Variants in SCP2 observed in about 807,000 individuals in gnomAD.
SCP2 encodes the protein sterol carrier protein 2, also known as SCP-2/3-oxoacyl-CoA thiolase.
SCP2 carries 48 observed loss-of-function variants against 71.4 expected under a neutral mutation model. The observed-to-expected ratio is 0.67, with a 90% CI of 0.53 to 0.86. SCP2 has a LOEUF of 0.86. Among genes scored for constraint, SCP2 ranks in the 40% least tolerant of loss-of-function variants. The pLI is 0.00. For missense variants in SCP2, 560 were observed against 655.6 expected (o/e 0.85, Z 1.59); for synonymous variants, 220 against 218.1 (o/e 1.01, Z -0.08).
chr1:52,998,713 CA>C (rs1300901221), intron 11 of SCP2, among the ~76,000 whole-genome samples: 1 of 152,186 alleles, frequency 6.6e-6, no homozygotes, highest in Non-Finnish European at 1.5e-5. Context: ...ATTTAAAAAT[CA>C]GTGCAGATTG....
rs1156720917 is a variant in SCP2, at chr1:52,961,558, A to G, written c.452A>G (p.Tyr151Cys). The G allele has an allele frequency of 3.7e-6, 6 of 1,613,684 alleles. No individual in the cohort carries two copies. The Admixed American group carries it at 8.3e-5, about 22-fold the overall frequency. ...DKHVDLLINKYGLSAHPVAPQ... is the reference protein window; with the variant it reads ...DKHVDLLINKCGLSAHPVAPQ... ...CATGTTGACCTCCTGATCAATAAGT[A>G]TGGATTGTCTGCTCACCCAGTTGCT... Residue 151 changes from tyrosine (Y) to cysteine (C), a missense_variant, in exon 6 of 16, where the codon TAT becomes TGT. Tyr to Cys is a radical substitution (Grantham distance 194, BLOSUM62 -2). This residue lies in a region of SCP2 where 513 missense variants were observed against 573.1 expected (regional missense o/e 0.90). Transcript: ENST00000371514.
intron 11 of SCP2, among the ~76,000 whole-genome samples, chr1:53,003,672 A>G (rs1660460052): frequency 6.6e-6 from 1 of 152,126 alleles, no homozygotes; most frequent in African/African-American, 2.4e-5. Context: ...GGTGCACACC[A>G]TCATGCCCAG....
intron 11 of SCP2, chr1:52,994,688 C>T: frequency 1.6e-6 from 1 of 639,824 alleles, no homozygotes; most frequent in Non-Finnish European, 2.7e-6. Flanking sequence ...CCCATGCATA[C>T]CTTGAGGCGA....
At chr1:52,999,815 GTTTT>G (rs60893788) in intron 11 of SCP2, among the ~76,000 whole-genome samples, 1 of 109,416 alleles carries the variant, frequency 9.1e-6, no homozygotes, top group Admixed American at 1.1e-4. Context: ...CTGAACACTT[GTTTT>G]TTTTTTTTTT....
intron 14 of SCP2, among the ~76,000 whole-genome samples, chr1:53,044,847 G>A (rs1490309831): frequency 6.6e-6 from 1 of 152,260 alleles, no homozygotes; most frequent in East Asian, 1.9e-4. Flanking sequence ...ATTAGTCTTT[G>A]TTGTCCAGTC....
intron 1 of SCP2, 46 bp from the exon 2 acceptor site, chr1:52,941,747 AAAT>A (rs766153955): frequency 3.0e-6 from 4 of 1,350,738 alleles, no homozygotes; most frequent in Non-Finnish European, 4.2e-6. Context: ...AAAAAAAAAA[AAAT>A]GTAACTATAC....
chr1:52,950,431 A>AT (rs1232158661), intron 3 of SCP2, among the ~76,000 whole-genome samples: 1 of 151,946 alleles, frequency 6.6e-6, no homozygotes, highest in Non-Finnish European at 1.5e-5. Context: ...AGGTTTAAAG[A>AT]TTTTTTTCTG....
intron 4 of SCP2, among the ~76,000 whole-genome samples, chr1:52,951,773 G>A (rs1179820025): frequency 3.3e-5 from 5 of 151,222 alleles, no homozygotes; most frequent in South Asian, 4.2e-4. Flanking sequence ...CTGGAGTGCC[G>A]TTGTGCCATC....
rs1557576782 is a variant in SCP2 at position 52,974,832 on chromosome 1, C to T, written c.587C>T (p.Pro196Leu). 1.7e-5 allele frequency: 24 copies of T among 1,406,974 alleles called. No homozygotes were observed. Among genetic ancestry groups the T allele is most frequent in the Middle Eastern group, 1.8e-4 (1 of 5,700 alleles). The allele number at this position is 1,406,974 out of a possible 1,614,324, so 87.2% of individuals were successfully genotyped here. Residue 196 changes from proline to leucine, a missense_variant and splice_region_variant, in exon 7 of 16, where the codon CCG becomes CTG. By Grantham distance (98) the Pro-to-Leu change is moderately conservative. This residue lies in a region of SCP2 where 513 missense variants were observed against 573.1 expected (regional missense o/e 0.90). Transcript: ENST00000371514. ...AATCATAAACATTCAGTTAATAACC[C>T]GTAAGTATTTCAGAGACATGAAATA... The part of the protein sequence containing the change: ...WKNHKHSVNN[P>L]YSQFQDEYSL...
At chr1:53,037,503 A>G (rs1231921368) in intron 13 of SCP2, among the ~76,000 whole-genome samples, 1 of 149,808 alleles carries the variant, frequency 6.7e-6, no homozygotes, top group Non-Finnish European at 1.5e-5. Flanking sequence ...CAGGAAGGAA[A>G]GGCTGGGAAT....
chr1:53,026,346 T>C (rs1662129590), intron 12 of SCP2, among the ~76,000 whole-genome samples: 1 of 152,230 alleles, frequency 6.6e-6, no homozygotes, highest in South Asian at 2.1e-4. Flanking sequence ...CTACTCCTGT[T>C]TCAAAGTACT....
intron 14 of SCP2, among the ~76,000 whole-genome samples, chr1:53,045,119 A>C (rs921454224): frequency 6.6e-6 from 1 of 152,136 alleles, no homozygotes; most frequent in African/African-American, 2.4e-5. Context: ...GTAATTCCAG[A>C]GTGTACCACG....
chr1:53,048,165 G>A lies in SCP2; in HGVS notation c.1548+228G>A. 2.1e-6 allele frequency: 1 copy of A among 484,662 alleles called. No individual in the cohort carries two copies. The highest frequency in any genetic ancestry group is 3.9e-6 in the Non-Finnish European group (1 of 257,178). 30.0% of individuals were successfully genotyped at this position (484,662 alleles called of 1,614,324 possible). The stretch of plus-strand genomic sequence containing the variant: ...TCCCACGCTCAGGGCATCCACAGAT[G>A]TGTAAAAGAGTCAGTGCAGCCAGAG... On this transcript the variant is annotated intron_variant, in intron 15 of 15. Transcript: ENST00000371514.
chr1:53,050,242 G>T (rs780511094), intron 15 of SCP2: 10 of 246,322 alleles, frequency 4.1e-5, no homozygotes, highest in Non-Finnish European at 7.1e-5. Context: ...TGTTTTTTGT[G>T]TATGCTTTTT....
intron 12 of SCP2, among the ~76,000 whole-genome samples, chr1:53,020,392 T>C (rs969517163): frequency 4.6e-5 from 7 of 152,212 alleles, no homozygotes; most frequent in African/African-American, 1.4e-4. Flanking sequence ...TCCCAGTGCA[T>C]TTTCCTTTCT....
chr1:53,021,645 CTTTT>C (rs753678066), intron 12 of SCP2, among the ~76,000 whole-genome samples: 2 of 95,660 alleles, frequency 2.1e-5, no homozygotes, highest in African/African-American at 9.1e-5. Context: ...CTTTTTCTTT[CTTTT>C]TTTTTTTTTT....
At chr1:52,995,045 T>C in intron 11 of SCP2, 3 of 503,916 alleles carry the variant, frequency 6.0e-6, no homozygotes, top group South Asian at 1.6e-5. Flanking sequence ...GGCCACTACA[T>C]AGAGGGGGCC....
At chr1:52,967,654 A>T (rs1557570004) in intron 6 of SCP2, among the ~76,000 whole-genome samples, 1 of 152,148 alleles carries the variant, frequency 6.6e-6, no homozygotes, top group South Asian at 2.1e-4. Flanking sequence ...AGAGAAAGAC[A>T]AAAAGATCTG....
intron 4 of SCP2, among the ~76,000 whole-genome samples, chr1:52,951,464 G>C (rs753438410): frequency 6.7e-6 from 1 of 148,992 alleles, no homozygotes; most frequent in African/African-American, 2.5e-5. Context: ...TTAGCCAGGC[G>C]TGGTGGTCCC....
Sources: gnomAD v4.1 joint callset for allele counts (sites outside exome capture counted in the v4.1 genomes callset) on GRCh38, gnomAD v4.1.1 for gene constraint, gnomAD v4.1.1 regional missense constraint, MANE v1.5 for transcripts, NCBI Gene and HGNC (gene_info 2026-07-23, HGNC 2026-07-21) for gene names.